The following ELF5 variants were observed in gnomAD, a reference collection of about 807,000 sequenced individuals.
ELF5 encodes E74 like ETS transcription factor 5, also known as ETS-related transcription factor Elf-5.
In ELF5, 31 loss-of-function variants were observed where a neutral mutation model predicts 38.2. The observed-to-expected ratio is 0.81, with a 90% CI of 0.61 to 1.10. ELF5 has a LOEUF of 1.10. ELF5 is among the 50% of genes least tolerant of loss of function. The pLI is 0.00. For missense variants in ELF5, 300 were observed against 306.6 expected, an observed-to-expected ratio of 0.98 and a Z score of 0.16; for synonymous variants, 121 against 112.5, an observed-to-expected ratio of 1.08 and a Z score of -0.48.
intron 2 of ELF5, among the ~76,000 whole-genome samples, chr11:34,500,320 T>A (rs565594818): frequency 5.1e-4 from 78 of 152,300 alleles, no homozygotes; most frequent in Non-Finnish European, 9.7e-4. Flanking sequence ...GCACCATCAA[T>A]TGCAGCTTTG....
At chr11:34,508,492 G>A in intron 1 of ELF5, among the ~76,000 whole-genome samples, 1 of 151,258 alleles carries the variant, frequency 6.6e-6, no homozygotes, top group Non-Finnish European at 1.5e-5. Flanking sequence ...GACAGAGCAA[G>A]ACTATGTCTC....
At chr11:34,488,191 C>G (rs1385905617) in intron 4 of ELF5, among the ~76,000 whole-genome samples, 1 of 152,144 alleles carries the variant, frequency 6.6e-6, no homozygotes, top group Admixed American at 6.5e-5. Flanking sequence ...TATTTAATAT[C>G]TCTACCCCGA....
chr11:34,481,309 C>G (rs1011019818), intron 5 of ELF5, among the ~76,000 whole-genome samples: 3 of 152,084 alleles, frequency 2.0e-5, no homozygotes, highest in Non-Finnish European at 2.9e-5. Context: ...CAGGTGTGAG[C>G]CACCGTGCCC....
chr11:34,511,372 T>G (rs1850751020), intron 1 of ELF5, among the ~76,000 whole-genome samples: 1 of 152,162 alleles, frequency 6.6e-6, no homozygotes, highest in Non-Finnish European at 1.5e-5. Flanking sequence ...TTAAACACTC[T>G]GGACCCTCAC....
intron 3 of ELF5, among the ~76,000 whole-genome samples, chr11:34,490,744 G>A (rs1850148207): frequency 6.6e-6 from 1 of 152,188 alleles, no homozygotes; most frequent in Non-Finnish European, 1.5e-5. Flanking sequence ...CTATGTCCTA[G>A]CTTGGTCCAA....
Position 34,505,671 on chromosome 11 carries a change from A to G in ELF5, c.79T>C (p.Phe27Leu). Residue 27 changes from phenylalanine (F) to leucine (L), a missense_variant, in exon 2 of 7, where the codon TTC (phenylalanine) becomes CTC (leucine). Phe to Leu is a conservative substitution (Grantham distance 22, BLOSUM62 0). Coordinates refer to ENST00000257832, the MANE Select transcript of ELF5 (RefSeq NM_001422.4). ...CDPLMSWTDL[F>L]SNEEYYPAFE... is the part of the protein sequence containing the mutation. Reference sequence around the variant, plus strand: ...GCAGGGTAGTACTCTTCATTGCTGAACAGATCAGTCCACGACATCAGGGGA... The same window carrying G: ...GCAGGGTAGTACTCTTCATTGCTGAGCAGATCAGTCCACGACATCAGGGGA... The G allele has an allele frequency of 6.2e-7, 1 of 1,614,108 alleles. No homozygotes were observed.
chr11:34,484,647 T>C (rs1849940233), intron 4 of ELF5, among the ~76,000 whole-genome samples: 1 of 152,112 alleles, frequency 6.6e-6, no homozygotes, highest in Non-Finnish European at 1.5e-5. Flanking sequence ...CCTCTCTCAG[T>C]GCCACTGGGT....
chr11:34,508,793 G>T (rs1590344485), intron 1 of ELF5, among the ~76,000 whole-genome samples: 1 of 152,190 alleles, frequency 6.6e-6, no homozygotes, highest in Admixed American at 6.5e-5. Context: ...CAGGGAATTT[G>T]TGTAACTAGC....
At chr11:34,480,382 A>G in intron 6 of ELF5, 68 bp from the exon 7 acceptor site, 2 of 1,219,824 alleles carry the variant, frequency 1.6e-6, no homozygotes, top group Non-Finnish European at 2.4e-6. Flanking sequence ...GAACACAAAC[A>G]CTGTCTCCTC....
intron 5 of ELF5, among the ~76,000 whole-genome samples, chr11:34,481,364 C>G (rs1236372861): frequency 1.3e-5 from 2 of 152,092 alleles, no homozygotes; most frequent in African/African-American, 4.8e-5. Flanking sequence ...CAATTTCTCA[C>G]TAGGTCATGA....
At chr11:34,482,710 A>G (rs931550989) in intron 4 of ELF5, among the ~76,000 whole-genome samples, 3 of 152,130 alleles carry the variant, frequency 2.0e-5, no homozygotes, top group African/African-American at 7.2e-5. Flanking sequence ...CCCCACCCTG[A>G]TGAGAATAAA....
At chr11:34,512,827 G>A (rs1376223837) in intron 1 of ELF5, among the ~76,000 whole-genome samples, 2 of 152,120 alleles carry the variant, frequency 1.3e-5, no homozygotes, top group Non-Finnish European at 2.9e-5. Context: ...ACTCGGATGG[G>A]CAAACCACCC....
chr11:34,483,695 A>G (rs192920778), intron 4 of ELF5, among the ~76,000 whole-genome samples: 1 of 152,022 alleles, frequency 6.6e-6, no homozygotes, highest in East Asian at 1.9e-4. Context: ...ACTATACTGT[A>G]CTGTACCATG....
chr11:34,513,471 C>T (rs1228973118), intron 1 of ELF5, among the ~76,000 whole-genome samples: 3 of 152,216 alleles, frequency 2.0e-5, no homozygotes, highest in Admixed American at 2.0e-4. Context: ...GGGCTGGTGG[C>T]CACACGGCCT....
Position 34,503,836 on chromosome 11 carries a change from A to G in ELF5, c.121+1793T>C, listed in dbSNP as rs149326291. 5.9e-3 allele frequency among the ~76,000 whole-genome samples: 904 copies of G among 152,308 alleles called. 26 individuals carry two copies. Among genetic ancestry groups the G allele is most frequent in the Non-Finnish European group, 2.2e-3 (153 of 68,018 alleles). On this transcript the variant is annotated intron_variant, in intron 2 of 6. Coordinates refer to ENST00000257832, the MANE Select transcript of ELF5 (RefSeq NM_001422.4). ...CACTTCCCATATGATAACTCATTTC[A>G]TTAGCATAACAACTCTACAAGGTAG...
intron 2 of ELF5, 108 bp from the exon 3 acceptor site, chr11:34,493,820 G>C: frequency 1.1e-6 from 1 of 943,216 alleles, no homozygotes; most frequent in Non-Finnish European, 1.6e-6. Flanking sequence ...CAGCCAATAA[G>C]TTGAAAGGGC....
chr11:34,484,523 CTATAT>C (rs1181336314), intron 4 of ELF5, among the ~76,000 whole-genome samples: 11 of 149,062 alleles, frequency 7.4e-5, no homozygotes, highest in African/African-American at 2.7e-4. Flanking sequence ...CTATACTATA[CTATAT>C]TATACTGTAC....
intron 3 of ELF5, among the ~76,000 whole-genome samples, chr11:34,490,771 T>C (rs1282063358): frequency 2.0e-5 from 3 of 152,202 alleles, no homozygotes; most frequent in African/African-American, 7.2e-5. Flanking sequence ...GACTAATCTC[T>C]ACTTGCTAAG....
intron 2 of ELF5, among the ~76,000 whole-genome samples, chr11:34,497,572 G>A (rs1850348746): frequency 6.6e-6 from 1 of 152,216 alleles, no homozygotes; most frequent in African/African-American, 2.4e-5. Context: ...CTGGGTGGGT[G>A]CACCAGATGC....
Sources: gnomAD v4.1 joint callset for allele counts (sites outside exome capture counted in the v4.1 genomes callset) on GRCh38, gnomAD v4.1.1 for gene constraint, MANE v1.5 for transcripts, NCBI Gene and HGNC (gene_info 2026-07-23, HGNC 2026-07-21) for gene names.